The following FHOD3 variants were observed in gnomAD, a reference collection of about 807,000 sequenced individuals.
FHOD3 encodes the protein formin homology 2 domain containing 3, also known as FH1/FH2 domain-containing protein 3.
A neutral mutation model predicts 173.0 loss-of-function variants in FHOD3; 90 were observed. The ratio of observed to expected loss-of-function variants is 0.52; its 90% CI spans 0.44 to 0.62. The LOEUF (loss-of-function observed/expected upper bound fraction) is 0.62. Ranked by LOEUF, FHOD3 falls within the 20% of genes least tolerant of loss-of-function variation. FHOD3 has a pLI of 0.00. For synonymous variants in FHOD3, 828 were observed against 823.0 expected, an observed-to-expected ratio of 1.01 and a Z score of -0.10; for missense variants, 1,945 against 2,034.7, an observed-to-expected ratio of 0.96 and a Z score of 0.85.
intron 5 of FHOD3, among the ~76,000 whole-genome samples, chr18:36,558,294 A>G (rs1459468322): frequency 1.3e-5 from 2 of 152,090 alleles, no homozygotes; most frequent in East Asian, 3.9e-4. Context: ...AATCTTCTCA[A>G]GGTATCATAG....
intron 5 of FHOD3, among the ~76,000 whole-genome samples, chr18:36,563,731 G>C (rs1028284895): frequency 3.3e-5 from 5 of 152,044 alleles, no homozygotes; most frequent in African/African-American, 4.8e-5. Flanking sequence ...GAACTATTCT[G>C]GTATCTTTTC....
At chr18:36,751,235 G>A (rs750696718) in intron 24 of FHOD3, among the ~76,000 whole-genome samples, 16 of 152,102 alleles carry the variant, frequency 1.1e-4, no homozygotes, top group Non-Finnish European at 1.0e-4. Context: ...TATTCTTTTC[G>A]TGGCAACTGT....
intron 17 of FHOD3, among the ~76,000 whole-genome samples, chr18:36,704,753 A>C (rs1264963799): frequency 1.3e-5 from 2 of 152,096 alleles, no homozygotes; most frequent in Non-Finnish European, 2.9e-5. Context: ...AGGGCTTCGG[A>C]AGGCAGTTCC....
intron 23 of FHOD3, among the ~76,000 whole-genome samples, chr18:36,744,697 T>C (rs1029863789): frequency 1.3e-5 from 2 of 152,234 alleles, no homozygotes; most frequent in Non-Finnish European, 2.9e-5. Context: ...GTAAACAGTA[T>C]ATGGCCTTGG....
chr18:36,510,338 T>A (rs780148093), intron 4 of FHOD3, among the ~76,000 whole-genome samples: 4 of 152,236 alleles, frequency 2.6e-5, no homozygotes, highest in Non-Finnish European at 5.9e-5. Flanking sequence ...ATGTGTAAAA[T>A]CTAGCACATT....
At chr18:36,501,865 C>T (rs2055048794) in intron 3 of FHOD3, 67 bp from the exon 4 acceptor site, 1 of 1,115,060 alleles carries the variant, frequency 9.0e-7, no homozygotes, top group Non-Finnish European at 1.3e-6. Flanking sequence ...TCATTCATAT[C>T]CTGTCTGTGT....
intron 7 of FHOD3, among the ~76,000 whole-genome samples, chr18:36,595,950 A>G (rs1015224969): frequency 9.9e-5 from 15 of 152,180 alleles, no homozygotes; most frequent in Admixed American, 5.9e-4. Flanking sequence ...AACTTGGGAA[A>G]AGTTTAAAGA....
intron 3 of FHOD3, among the ~76,000 whole-genome samples, chr18:36,478,941 A>G (rs551799726): frequency 6.6e-6 from 1 of 152,224 alleles, no homozygotes; most frequent in African/African-American, 2.4e-5. Flanking sequence ...CAAAGTATAA[A>G]TATCAAAGAG....
At chr18:36,410,102 A>G (rs58240850) in intron 3 of FHOD3, among the ~76,000 whole-genome samples, 34,324 of 152,100 alleles carry the variant, frequency 0.23, 4,404 homozygotes, top group East Asian at 0.67. Flanking sequence ...CCATCACTAC[A>G]ATTTTAGGAC....
At position 36,693,266 on chromosome 18, in the gene FHOD3, G is replaced by T. The variant is rs1232021710; in HGVS notation, c.2079G>T (p.Arg693=). 25 of 1,613,758 alleles carry T rather than the reference G, an allele frequency of 1.5e-5. 1 individual carries two copies. The highest frequency in any genetic ancestry group is 2.0e-5 in the Non-Finnish European group (24 of 1,179,888). The change falls in exon 17 of 29, where the codon CGG becomes CGT. Residue 693 remains arginine, a synonymous_variant. Transcript: ENST00000590592. ...AGCACGAGAAGGAGCTGAGAAGCCGGAGTGTGAGCCGGGGCAGAGCCGACC... is the reference window on the plus strand; with the variant it reads ...AGCACGAGAAGGAGCTGAGAAGCCGTAGTGTGAGCCGGGGCAGAGCCGACC... ...AEEHEKELRS[R]SVSRGRADLS... is the part of the protein sequence containing the mutation.
At chr18:36,583,490 G>A (rs1158899749) in intron 6 of FHOD3, among the ~76,000 whole-genome samples, 4 of 152,132 alleles carry the variant, frequency 2.6e-5, no homozygotes, top group African/African-American at 9.7e-5. Context: ...GTGGCTTAAG[G>A]CTTTTGTCTC....
intron 15 of FHOD3, among the ~76,000 whole-genome samples, chr18:36,684,634 G>A (rs747017402): frequency 9.2e-5 from 14 of 152,110 alleles, no homozygotes; most frequent in Non-Finnish European, 1.3e-4. Context: ...TGAACCTGAA[G>A]ATAGAACAAC....
rs138818266 is a variant in FHOD3 at position 36,421,133 on chromosome 18, C to T, written c.337+48389C>T. ...TAAAGTTGAAACTATTCTGGTTGAA[C>T]TTATTCTGGTAATAAGCTGAAAACA... is the stretch of plus-strand genomic sequence containing the variant. On this transcript the variant is annotated intron_variant, in intron 3 of 28. Transcript: ENST00000590592. Among the ~76,000 whole-genome samples, 201 of 152,254 alleles carry T rather than the reference C, an allele frequency of 1.3e-3. 1 individual carries two copies. Among genetic ancestry groups the T allele is most frequent in the Non-Finnish European group, 2.6e-3 (175 of 68,010 alleles).
chr18:36,694,525 T>C (rs939964039), intron 17 of FHOD3, among the ~76,000 whole-genome samples: 2 of 152,212 alleles, frequency 1.3e-5, no homozygotes, highest in African/African-American at 4.8e-5. Flanking sequence ...ATATTGAGAC[T>C]CTGAAAGTCA....
At chr18:36,344,372 G>A (rs890223086) in intron 1 of FHOD3, among the ~76,000 whole-genome samples, 1 of 152,040 alleles carries the variant, frequency 6.6e-6, no homozygotes, top group Admixed American at 6.6e-5. Context: ...TGGCACAGTG[G>A]GACACACCTG....
At chr18:36,562,197 G>A (rs1050759277) in intron 5 of FHOD3, among the ~76,000 whole-genome samples, 4 of 151,874 alleles carry the variant, frequency 2.6e-5, no homozygotes, top group Non-Finnish European at 5.9e-5. Context: ...TTGTACTGTT[G>A]GTAGAGACAG....
intron 3 of FHOD3, among the ~76,000 whole-genome samples, chr18:36,494,442 A>G (rs2054629859): frequency 6.6e-6 from 1 of 152,230 alleles, no homozygotes; most frequent in Admixed American, 6.5e-5. Flanking sequence ...TCTTGTGGTT[A>G]CCAAAGATAA....
At chr18:36,355,727 G>A in intron 2 of FHOD3, 82 bp downstream of exon 2, 1 of 1,114,840 alleles carries the variant, frequency 9.0e-7, no homozygotes, top group East Asian at 2.4e-5. Flanking sequence ...GTATTTAGGA[G>A]GAACTACCAT....
At chr18:36,712,502 A>G (rs2040223692) in intron 18 of FHOD3, among the ~76,000 whole-genome samples, 1 of 152,180 alleles carries the variant, frequency 6.6e-6, no homozygotes, top group Non-Finnish European at 1.5e-5. Flanking sequence ...TGGGCTTAAT[A>G]GTAGATTGGA....
Sources: allele counts gnomAD v4.1 joint callset (sites outside exome capture counted in the v4.1 genomes callset), GRCh38; gene constraint gnomAD v4.1.1; transcripts MANE v1.5; gene names NCBI Gene and HGNC (gene_info 2026-07-23, HGNC 2026-07-21).